Variants in CAST observed in about 807,000 individuals in gnomAD.
The protein encoded by CAST is MIR583 host.
In CAST, 76 loss-of-function variants were observed where a neutral mutation model predicts 119.6. That is an observed-to-expected ratio of 0.64 (90% CI 0.53 to 0.77). The LOEUF (loss-of-function observed/expected upper bound fraction) is 0.77, where lower values mean the gene tolerates loss of function less well. Among genes scored for constraint, CAST ranks in the 30% least tolerant of loss-of-function variants. The pLI is 0.00. For missense variants in CAST, 953 were observed against 946.5 expected (o/e 1.01, Z -0.09); for synonymous variants, 319 against 331.6 (o/e 0.96, Z 0.41).
At chr5:96,691,767 G>A (rs753617582) in intron 2 of CAST, among the ~76,000 whole-genome samples, 1 of 152,212 alleles carries the variant, frequency 6.6e-6, no homozygotes, top group Non-Finnish European at 1.5e-5. Flanking sequence ...GCATTTGGTG[G>A]AACAGGACTC....
the CAST span, among the ~76,000 whole-genome samples, chr5:96,011,437 G>A: frequency 9.8e-4 from 150 of 152,324 alleles, no homozygotes; most frequent in Non-Finnish European, 1.4e-3. Context: ...TGGGCAAAGT[G>A]AGGATGAAGC....
the CAST span, chr5:95,965,182 G>C: frequency 6.6e-6 from 1 of 152,220 alleles, no homozygotes; most frequent in East Asian, 1.9e-4. Flanking sequence ...TGATTTCTTG[G>C]TTCAGCTGAT....
chr5:96,379,410 C>T, the CAST span, among the ~76,000 whole-genome samples: 3 of 152,100 alleles, frequency 2.0e-5, no homozygotes, highest in African/African-American at 7.2e-5. Flanking sequence ...GAAAACGTTT[C>T]CCAGGTTTCT....
the CAST span, among the ~76,000 whole-genome samples, chr5:96,240,554 T>C: frequency 6.6e-6 from 1 of 152,022 alleles, no homozygotes; most frequent in Non-Finnish European, 1.5e-5. Context: ...TCAAGAAATA[T>C]TCATTTTTTT....
At chr5:96,623,258 C>T (rs890417723) in intron 1 of CAST, among the ~76,000 whole-genome samples, 7 of 151,394 alleles carry the variant, frequency 4.6e-5, no homozygotes, top group African/African-American at 1.7e-4. Context: ...ACAATAATGG[C>T]ATTTTTTTTT....
At chr5:96,452,956 C>CAAAAAAAAAAAAAAAAAA in the CAST span, among the ~76,000 whole-genome samples, 1 of 62,718 alleles carries the variant, frequency 1.6e-5, no homozygotes, top group African/African-American at 1.2e-4. Flanking sequence ...GACTCCGTCT[C>CAAAAAAAAAAAAAAAAAA]AAAAAAAAAA....
In CAST at chr5:96,722,689, A is replaced by C; in HGVS notation, c.261A>C (p.Thr87=). 1 of 1,611,260 alleles carries C rather than the reference A, an allele frequency of 6.2e-7. No individual in the cohort carries two copies. Among genetic ancestry groups the C allele is most frequent in the Non-Finnish European group, 8.5e-7 (1 of 1,177,330 alleles). ...ATSKSSSMNP[T]ETKAIPVSQQ... ...GCAAGTCTTCCAGTATGAATCCCACAGAAACCAAGGTATGAAGAATGCTAA... is the reference window on the plus strand; with the variant it reads ...GCAAGTCTTCCAGTATGAATCCCACCGAAACCAAGGTATGAAGAATGCTAA... The change falls in exon 4 of 32, where the codon ACA becomes ACC. Residue 87 remains threonine (T), a synonymous_variant. Coordinates refer to ENST00000675179, the MANE Select transcript of CAST (RefSeq NM_001750.7).
intron 1 of CAST, among the ~76,000 whole-genome samples, chr5:96,664,296 T>C (rs1749004535): frequency 6.6e-6 from 1 of 151,754 alleles, no homozygotes; most frequent in Admixed American, 6.6e-5. Context: ...ATTTACAGTG[T>C]GTGTGCATAT....
At chr5:96,042,752 C>T in the CAST span, among the ~76,000 whole-genome samples, 6 of 152,054 alleles carry the variant, frequency 3.9e-5, no homozygotes, top group Admixed American at 3.9e-4. Context: ...ACTTGCGAAT[C>T]CTAGAGTAAG....
the CAST span, among the ~76,000 whole-genome samples, chr5:96,067,429 G>T: frequency 1.3e-5 from 2 of 152,072 alleles, no homozygotes; most frequent in Non-Finnish European, 2.9e-5. Flanking sequence ...CTTTTCTGAT[G>T]GATCATTAGG....
the CAST span, among the ~76,000 whole-genome samples, chr5:96,202,563 C>T: frequency 6.6e-6 from 1 of 151,924 alleles, no homozygotes; most frequent in East Asian, 1.9e-4. Flanking sequence ...AACAAAAATA[C>T]AAATTAGCAA....
chr5:96,586,191 G>C (rs928235923), intron 1 of CAST, among the ~76,000 whole-genome samples: 14 of 152,166 alleles, frequency 9.2e-5, no homozygotes, highest in African/African-American at 3.4e-4. Context: ...ACTACTAGGT[G>C]GTGGTAGCAC....
At chr5:96,360,514 G>T in the CAST span, among the ~76,000 whole-genome samples, 1 of 152,134 alleles carries the variant, frequency 6.6e-6, no homozygotes, top group African/African-American at 2.4e-5. Flanking sequence ...TGGGGTTTTG[G>T]TGTGGACGTC....
the CAST span, among the ~76,000 whole-genome samples, chr5:96,361,865 A>G: frequency 1.6e-4 from 18 of 114,100 alleles, no homozygotes; most frequent in African/African-American, 6.4e-4. Flanking sequence ...TTTAAGTTCT[A>G]GGGTACATGT....
the CAST span, among the ~76,000 whole-genome samples, chr5:96,206,068 G>A: frequency 6.6e-6 from 1 of 151,910 alleles, no homozygotes; most frequent in African/African-American, 2.4e-5. Context: ...CTAATGATTA[G>A]GGATGTTGAG....
intron 26 of CAST, 131 bp from the exon 27 acceptor site, chr5:96,765,922 T>G: frequency 1.7e-6 from 1 of 597,504 alleles, no homozygotes; most frequent in Non-Finnish European, 3.0e-6. Flanking sequence ...TTCTGTTGCT[T>G]AAAAAATAAA....
the CAST span, among the ~76,000 whole-genome samples, chr5:96,046,910 T>C: frequency 6.6e-6 from 1 of 152,110 alleles, no homozygotes; most frequent in East Asian, 1.9e-4. Context: ...TTATTCATTA[T>C]CACGAGAATA....
chr5:96,596,534 CA>C (rs1350209717), intron 1 of CAST, among the ~76,000 whole-genome samples: 2 of 152,018 alleles, frequency 1.3e-5, no homozygotes, highest in African/African-American at 4.8e-5. Flanking sequence ...ATTGTTTCAG[CA>C]AAAATAGGAA....
chr5:96,311,032 C>T, the CAST span, among the ~76,000 whole-genome samples: 1 of 151,498 alleles, frequency 6.6e-6, no homozygotes, highest in African/African-American at 2.4e-5. Context: ...TGTTTTTTTG[C>T]TACCTTTCTT....
Sources: allele counts gnomAD v4.1 joint callset (sites outside exome capture counted in the v4.1 genomes callset), GRCh38; gene constraint gnomAD v4.1.1; transcripts MANE v1.5; gene names NCBI Gene and HGNC (gene_info 2026-07-23, HGNC 2026-07-21).